The following EXOC3 variants were observed in gnomAD, a reference collection of about 807,000 sequenced individuals.
The protein encoded by EXOC3 is exocyst complex component 3.
A neutral mutation model predicts 73.7 loss-of-function variants in EXOC3; 21 were observed. The ratio of observed to expected loss-of-function variants is 0.29; its 90% CI spans 0.20 to 0.41. The LOEUF (loss-of-function observed/expected upper bound fraction) is 0.41, where lower values mean the gene tolerates loss of function less well. Among genes scored for constraint, EXOC3 ranks in the 10% least tolerant of loss-of-function variants. The probability of loss-of-function intolerance (pLI) is 1.00; values close to 1 mark genes in which losing one functional copy is unlikely to be tolerated. For missense variants in EXOC3, 842 were observed against 985.1 expected, an observed-to-expected ratio of 0.85 and a Z score of 1.95; for synonymous variants, 410 against 389.1, an observed-to-expected ratio of 1.05 and a Z score of -0.63.
At position 457,942 on chromosome 5, in the gene EXOC3, A is replaced by G. The variant is rs1560938623; in HGVS notation, c.1207A>G (p.Lys403Glu). Residue 403 changes from lysine to glutamate, a missense_variant, in exon 6 of 13, where the codon AAG (lysine) becomes GAG (glutamate). Coordinates refer to ENST00000512944, the MANE Select transcript of EXOC3 (RefSeq NM_007277.5). ...AWLRKALETD[K>E]KDWVKETEPE... ...GCTGCGGAAAGCGCTGGAGACAGAC[A>G]AGAAAGACTGGGTCAAAGAGACAGA... 3.1e-6 allele frequency: 5 copies of G among 1,611,780 alleles called. No individual in the cohort carries two copies. Among genetic ancestry groups the G allele is most frequent in the Non-Finnish European group, 1.7e-6 (2 of 1,178,780 alleles).
At chr5:450,751 T>C (rs528496846) in intron 3 of EXOC3, among the ~76,000 whole-genome samples, 1 of 152,286 alleles carries the variant, frequency 6.6e-6, no homozygotes, top group South Asian at 2.1e-4. Context: ...ATCTTCTTGC[T>C]GAACCTTCTA....
In EXOC3 at chr5:458,001, C is replaced by T. The variant is rs1202141070; in HGVS notation, c.1266C>T (p.Thr422=). The T allele has an allele frequency of 8.7e-6, 14 of 1,612,524 alleles. No homozygotes were observed. Among genetic ancestry groups the T allele is most frequent in the Non-Finnish European group, 1.0e-5 (12 of 1,179,260 alleles). The change falls in exon 6 of 13, where the codon ACC becomes ACT. Residue 422 remains threonine, a synonymous_variant. Coordinates refer to ENST00000512944, the MANE Select transcript of EXOC3 (RefSeq NM_007277.5). ...CCGACCAGGACGGGTACTACCAGAC[C>T]ACACTCCCTGCCATTGTCTTCCAGG... ...PEADQDGYYQ[T]TLPAIVFQMF... is the part of the protein sequence containing the mutation.
At position 453,894 on chromosome 5, in the gene EXOC3, A is replaced by T. The variant is rs776349329; in HGVS notation, c.889A>T (p.Met297Leu). The T allele has an allele frequency of 1.2e-6, 2 of 1,613,900 alleles. No homozygotes were observed. The highest frequency in any genetic ancestry group is 3.3e-5 in the Admixed American group (2 of 60,020). The change falls in exon 4 of 13, where the codon ATG becomes TTG. Residue 297 changes from methionine (M) to leucine (L), a missense_variant. Met to Leu is a conservative substitution (Grantham distance 15). Coordinates refer to ENST00000512944, the MANE Select transcript of EXOC3 (RefSeq NM_007277.5). Reference protein sequence around the residue: ...LDDLIVAKNLMVQCFPPHYEI... With the variant: ...LDDLIVAKNLLVQCFPPHYEI... ...TGACCTCATTGTCGCCAAAAACCTG[A>T]TGGTTCAGTGCTTTCCTCCCCACTA...
chr5:446,266 C>G lies in EXOC3; in HGVS notation c.61C>G (p.Gln21Glu). The part of the protein sequence containing the change: ...TAVQRVAGML[Q>E]RPDQLDKVEQ... ...AGTGCAAAGGGTTGCTGGGATGCTC[C>G]AGCGCCCGGACCAGCTGGACAAGGT... The change falls in exon 2 of 13, where the codon CAG becomes GAG. Residue 21 changes from glutamine to glutamate, a missense_variant. Gln to Glu is a conservative substitution (Grantham distance 29). Transcript: ENST00000512944. The G allele has an allele frequency of 6.2e-7, 1 of 1,613,976 alleles. No homozygotes were observed. The highest frequency in any genetic ancestry group is 8.5e-7 in the Non-Finnish European group (1 of 1,179,884).
At chr5:465,431 G>A (rs1415067933) in intron 11 of EXOC3, among the ~76,000 whole-genome samples, 159 bp downstream of exon 11, 1 of 152,330 alleles carries the variant, frequency 6.6e-6, no homozygotes, top group South Asian at 2.1e-4. Context: ...GGTTGGACAC[G>A]AATGTCCACA....
intron 9 of EXOC3, chr5:462,667 A>G (rs889677287): frequency 4.1e-5 from 9 of 221,278 alleles, no homozygotes; most frequent in African/African-American, 2.0e-4. Flanking sequence ...GAATATAGGT[A>G]CACACGCAAA....
intron 3 of EXOC3, among the ~76,000 whole-genome samples, chr5:449,465 C>T (rs1256679120): frequency 6.6e-6 from 1 of 152,232 alleles, no homozygotes; most frequent in Admixed American, 6.5e-5. Context: ...CCCTCTGCCC[C>T]AGCTCCTGGT....
chr5:445,008 G>A (rs1277541113), intron 1 of EXOC3: 1 of 152,270 alleles, frequency 6.6e-6, no homozygotes, highest in Non-Finnish European at 1.5e-5. Context: ...GATGAAAAAG[G>A]AGAAGAGAGG....
chr5:453,732 A>G lies in EXOC3; in HGVS notation c.727A>G (p.Asn243Asp), dbSNP rs755320828. ...CTTTGTTCCTCCTGGGAGGCCCAAG[A>G]ATTGGAAGGAGAAAATGTTCACCAT... ...TGFVPPGRPK[N>D]WKEKMFTILE... The change falls in exon 4 of 13, where the codon AAT becomes GAT. Residue 243 changes from asparagine to aspartate, a missense_variant. By Grantham distance (23) the Asn-to-Asp change is conservative. Coordinates refer to ENST00000512944, the MANE Select transcript of EXOC3 (RefSeq NM_007277.5). The G allele has an allele frequency of 1.2e-6, 2 of 1,613,922 alleles. No individual in the cohort carries two copies. The highest frequency in any genetic ancestry group is 2.2e-5 in the South Asian group (2 of 91,074).
At chr5:447,242 G>A (rs529007497) in intron 2 of EXOC3, 95 of 327,988 alleles carry the variant, frequency 2.9e-4, no homozygotes, top group African/African-American at 1.8e-3. Context: ...GGGCAGACCC[G>A]TGGTAGTGTC....
chr5:443,927 A>G (rs1737427228), intron 1 of EXOC3, among the ~76,000 whole-genome samples: 1 of 149,404 alleles, frequency 6.7e-6, no homozygotes, highest in African/African-American at 2.5e-5. Flanking sequence ...GGAAGCTTTC[A>G]AGGTGCAGGT....
In EXOC3 at chr5:453,893, G is replaced by A. The variant is rs1264385279; in HGVS notation, c.888G>A (p.Leu296=). 1 of 1,613,928 alleles carries A rather than the reference G, an allele frequency of 6.2e-7. No homozygotes were observed. Among genetic ancestry groups the A allele is most frequent in the Non-Finnish European group, 8.5e-7 (1 of 1,179,890 alleles). ...ATGACCTCATTGTCGCCAAAAACCT[G>A]ATGGTTCAGTGCTTTCCTCCCCACT... ...VLDDLIVAKN[L]MVQCFPPHYE... Residue 296 remains leucine, a synonymous_variant, in exon 4 of 13, where the codon CTG becomes CTA. Transcript: ENST00000512944.
chr5:457,113 C>A, intron 5 of EXOC3, 107 bp downstream of exon 5: 2 of 756,990 alleles, frequency 2.6e-6, no homozygotes, highest in Non-Finnish European at 2.3e-6. Context: ...GCGTTGACTT[C>A]CTAGGATGCA....
chr5:458,098 A>T (rs1737875645), intron 6 of EXOC3, 73 bp downstream of exon 6: 5 of 1,486,244 alleles, frequency 3.4e-6, no homozygotes, highest in Non-Finnish European at 3.7e-6. Context: ...TTACAAAGTG[A>T]CACAGATACC....
intron 1 of EXOC3, among the ~76,000 whole-genome samples, chr5:444,454 C>T (rs1023258226): frequency 1.3e-5 from 2 of 152,224 alleles, no homozygotes; most frequent in African/African-American, 2.4e-5. Context: ...GCCACCTCAC[C>T]GCGTGCCCCA....
chr5:466,044 C>T (rs138802505), intron 12 of EXOC3, 199 bp downstream of exon 12: 160 of 464,026 alleles, frequency 3.4e-4, no homozygotes, highest in African/African-American at 3.1e-3. Flanking sequence ...GCCTGGGCTA[C>T]AGTGTGGGTG....
chr5:444,088 T>C (rs530932941), intron 1 of EXOC3, among the ~76,000 whole-genome samples: 1 of 152,242 alleles, frequency 6.6e-6, no homozygotes, highest in South Asian at 2.1e-4. Flanking sequence ...CTGGCGCAGG[T>C]GTCTCCGTGG....
chr5:456,819 C>T (rs988041955), intron 4 of EXOC3, 70 bp from the exon 5 acceptor site: 34 of 1,186,282 alleles, frequency 2.9e-5, no homozygotes, highest in Non-Finnish European at 3.5e-5. Context: ...GTGAAACAGT[C>T]TCGGCACACT....
chr5:466,642 G>A, intron 12 of EXOC3, 85 bp from the exon 13 acceptor site: 1 of 1,370,846 alleles, frequency 7.3e-7, no homozygotes, highest in Non-Finnish European at 1.0e-6. Context: ...TCTGTCAGCT[G>A]GGGTGGTGAA....
Sources: gnomAD v4.1 joint callset for allele counts (sites outside exome capture counted in the v4.1 genomes callset) on GRCh38, gnomAD v4.1.1 for gene constraint, MANE v1.5 for transcripts, NCBI Gene and HGNC (gene_info 2026-07-23, HGNC 2026-07-21) for gene names.